The following PDZRN3 variants were observed in gnomAD, a reference collection of about 807,000 sequenced individuals.
PDZRN3 encodes PDZ domain containing ring finger 3, also known as E3 ubiquitin-protein ligase PDZRN3.
A neutral mutation model predicts 85.7 loss-of-function variants in PDZRN3; 38 were observed. That is an observed-to-expected ratio of 0.44 (90% CI 0.34 to 0.58). PDZRN3 has a LOEUF of 0.58. Ranked by LOEUF, PDZRN3 falls within the 20% of genes least tolerant of loss-of-function variation. PDZRN3 has a pLI of 0.01. For synonymous variants in PDZRN3, 759 were observed against 638.0 expected, an observed-to-expected ratio of 1.19 and a Z score of -2.86; for missense variants, 1,629 against 1,506.4, an observed-to-expected ratio of 1.08 and a Z score of -1.35.
In PDZRN3 at chr3:73,383,962, G is replaced by A. The variant is rs905439227; in HGVS notation, c.2604C>T (p.Tyr868=). 1.3e-6 allele frequency: 2 copies of A among 1,598,748 alleles called. No individual in the cohort carries two copies. Among genetic ancestry groups the A allele is most frequent in the Non-Finnish European group, 1.7e-6 (2 of 1,173,454 alleles). ...CGTGCGCCGGGATGTGCGCGTGCTT[G>A]TATGGGGAGTGGTGATAGGAGGGCA... ...AYLPSYHHSP[Y]KHAHIPAHAQ... is the part of the protein sequence containing the mutation. The change falls in exon 10 of 10, where the codon TAC becomes TAT. Residue 868 remains tyrosine (Y), a synonymous_variant. Transcript: ENST00000263666.
intron 5 of PDZRN3, among the ~76,000 whole-genome samples, chr3:73,396,193 G>T (rs916807466): frequency 8.5e-5 from 13 of 152,050 alleles, no homozygotes; most frequent in Non-Finnish European, 1.6e-4. Context: ...CTCCAGCCTG[G>T]ACGACAGCAA....
intron 3 of PDZRN3, among the ~76,000 whole-genome samples, chr3:73,498,459 G>A (rs369772344): frequency 6.6e-6 from 1 of 151,218 alleles, no homozygotes; most frequent in African/African-American, 2.5e-5. Flanking sequence ...TTGAAAAATG[G>A]TCGAGTACTT....
At chr3:73,392,508 T>C (rs954390491) in intron 5 of PDZRN3, among the ~76,000 whole-genome samples, 4 of 152,190 alleles carry the variant, frequency 2.6e-5, no homozygotes, top group Non-Finnish European at 5.9e-5. Context: ...ATATCTAAGG[T>C]CCGTGTCCTC....
At chr3:73,618,197 A>G (rs968861328) in intron 1 of PDZRN3, among the ~76,000 whole-genome samples, 1 of 152,212 alleles carries the variant, frequency 6.6e-6, no homozygotes, top group Admixed American at 6.5e-5. Flanking sequence ...TTTCATCTGT[A>G]AAATGGAAGG....
intron 1 of PDZRN3, among the ~76,000 whole-genome samples, chr3:73,611,699 C>A (rs1454235745): frequency 6.6e-6 from 1 of 152,224 alleles, no homozygotes; most frequent in African/African-American, 2.4e-5. Flanking sequence ...TATTCTTTGA[C>A]AACGTGATTC....
chr3:73,469,070 G>C (rs929172825), intron 3 of PDZRN3, among the ~76,000 whole-genome samples: 1 of 151,354 alleles, frequency 6.6e-6, no homozygotes, highest in Non-Finnish European at 1.5e-5. Context: ...AAGAAAAAAA[G>C]ATTCATCTTT....
intron 3 of PDZRN3, among the ~76,000 whole-genome samples, chr3:73,514,146 T>C (rs1704216637): frequency 1.3e-5 from 2 of 152,228 alleles, no homozygotes; most frequent in African/African-American, 4.8e-5. Flanking sequence ...GATTAGGGAA[T>C]GCTGCTTTGA....
intron 3 of PDZRN3, among the ~76,000 whole-genome samples, chr3:73,447,893 C>T (rs1702782363): frequency 6.6e-6 from 1 of 152,236 alleles, no homozygotes; most frequent in Non-Finnish European, 1.5e-5. Flanking sequence ...CATTCCTCAT[C>T]TACCCAGATC....
chr3:73,605,485 C>T (rs779542481), intron 2 of PDZRN3, among the ~76,000 whole-genome samples: 3 of 152,150 alleles, frequency 2.0e-5, no homozygotes, highest in Non-Finnish European at 2.9e-5. Flanking sequence ...TGAGGACTAA[C>T]AAATGAATGA....
intron 3 of PDZRN3, among the ~76,000 whole-genome samples, chr3:73,552,193 T>G (rs906085081): frequency 5.3e-5 from 8 of 151,778 alleles, no homozygotes; most frequent in African/African-American, 1.9e-4. Flanking sequence ...CACCTAAATG[T>G]TGCCTCTTAG....
At chr3:73,544,931 C>A (rs2106790017) in intron 3 of PDZRN3, among the ~76,000 whole-genome samples, 1 of 152,174 alleles carries the variant, frequency 6.6e-6, no homozygotes, top group African/African-American at 2.4e-5. Flanking sequence ...TCTTCAAAAC[C>A]TCCGTAGCTG....
intron 3 of PDZRN3, among the ~76,000 whole-genome samples, chr3:73,498,413 T>G (rs1703909882): frequency 6.6e-6 from 1 of 152,180 alleles, no homozygotes; most frequent in South Asian, 2.1e-4. Flanking sequence ...CTCTAAGCAC[T>G]GCTTTCACCA....
intron 3 of PDZRN3, among the ~76,000 whole-genome samples, chr3:73,494,563 A>T (rs1221044331): frequency 1.3e-5 from 2 of 152,264 alleles, no homozygotes; most frequent in Non-Finnish European, 2.9e-5. Context: ...AAATGTTCAT[A>T]ACTTACGGAA....
intron 3 of PDZRN3, among the ~76,000 whole-genome samples, chr3:73,526,099 T>A (rs544914964): frequency 6.6e-6 from 1 of 152,198 alleles, no homozygotes; most frequent in African/African-American, 2.4e-5. Context: ...CGGTAGTTTC[T>A]TCATCTTAAG....
intron 3 of PDZRN3, among the ~76,000 whole-genome samples, chr3:73,420,400 G>A (rs933010159): frequency 1.3e-5 from 2 of 152,144 alleles, no homozygotes; most frequent in Non-Finnish European, 2.9e-5. Flanking sequence ...TCCTGCCAGT[G>A]GATGCCCCTA....
At chr3:73,560,565 T>C (rs1222032875) in intron 3 of PDZRN3, among the ~76,000 whole-genome samples, 2 of 152,222 alleles carry the variant, frequency 1.3e-5, no homozygotes, top group Non-Finnish European at 2.9e-5. Flanking sequence ...TTTTGCTCCA[T>C]TGAGAAATAC....
At chr3:73,413,264 G>A (rs9845544) in intron 3 of PDZRN3, among the ~76,000 whole-genome samples, 135 of 152,236 alleles carry the variant, frequency 8.9e-4, no homozygotes, top group African/African-American at 3.1e-3. Context: ...ACTAGCCTAG[G>A]TTTGGGCTCC....
At chr3:73,387,902 G>T in intron 8 of PDZRN3, 66 bp downstream of exon 8, 1 of 735,920 alleles carries the variant, frequency 1.4e-6, no homozygotes, top group Non-Finnish European at 2.3e-6. Flanking sequence ...GTGCTCTTTT[G>T]CAGGCCTGGG....
At chr3:73,400,774 T>C (rs1701732771) in intron 5 of PDZRN3, 148 bp downstream of exon 5, 2 of 655,238 alleles carry the variant, frequency 3.1e-6, no homozygotes, top group Admixed American at 2.2e-5. Flanking sequence ...ATCTCAGTTG[T>C]GCCTTTCAAA....
Sources: allele counts gnomAD v4.1 joint callset (sites outside exome capture counted in the v4.1 genomes callset), GRCh38; gene constraint gnomAD v4.1.1; transcripts MANE v1.5; gene names NCBI Gene and HGNC (gene_info 2026-07-23, HGNC 2026-07-21).